The following VPS13B variants were observed in gnomAD, a reference collection of about 807,000 sequenced individuals.
The protein encoded by VPS13B is vacuolar protein sorting 13 homolog B.
Under a neutral mutation model 426.4 loss-of-function variants are expected in VPS13B, and 285 were observed. That is an observed-to-expected ratio of 0.67 (90% CI 0.61 to 0.74). The LOEUF (loss-of-function observed/expected upper bound fraction) is 0.74. VPS13B is among the 30% of genes least tolerant of loss of function. The pLI, the probability that VPS13B is intolerant of heterozygous loss-of-function variation, is 0.00. For missense variants in VPS13B, 4,537 were observed against 4,782.6 expected (o/e 0.95, Z 1.51); for synonymous variants, 1,676 against 1,676.4 (o/e 1.00, Z 0.01).
At chr8:99,645,337 G>A (rs965148230) in intron 34 of VPS13B, among the ~76,000 whole-genome samples, 3 of 152,154 alleles carry the variant, frequency 2.0e-5, no homozygotes, top group African/African-American at 7.2e-5. Flanking sequence ...ACTTAGCATT[G>A]AGCCAGCAGG....
intron 52 of VPS13B, 72 bp from the exon 53 acceptor site, chr8:99,835,125 A>G: frequency 1.3e-6 from 2 of 1,600,004 alleles, no homozygotes; most frequent in Non-Finnish European, 1.7e-6. Flanking sequence ...ATCTAAATAA[A>G]CATGTTCCAG....
chr8:99,402,734 C>T (rs1815106601), intron 21 of VPS13B, among the ~76,000 whole-genome samples: 1 of 152,012 alleles, frequency 6.6e-6, no homozygotes, highest in Non-Finnish European at 1.5e-5. Flanking sequence ...AGTGAATATA[C>T]TAATAGAAGG....
rs193276451 is a variant in VPS13B, at chr8:99,146,459, T to C, written c.1844-1382T>C. 2.0e-5 allele frequency among the ~76,000 whole-genome samples: 3 copies of C among 152,342 alleles called. No homozygotes were observed. The East Asian group carries it at 5.8e-4, about 29-fold the overall frequency. ...TGTAACTCTATGGTAAACCTTTATATTGGAGGGAGAAGTTATTCATTTTGG... is the reference window on the plus strand; with the variant it reads ...TGTAACTCTATGGTAAACCTTTATACTGGAGGGAGAAGTTATTCATTTTGG... On this transcript the variant is annotated intron_variant, in intron 13 of 61. Coordinates refer to ENST00000357162, the MANE Select transcript of VPS13B (RefSeq NM_152564.5).
chr8:99,478,472 TG>T (rs1277360490), intron 24 of VPS13B, among the ~76,000 whole-genome samples: 33 of 145,032 alleles, frequency 2.3e-4, no homozygotes, highest in African/African-American at 6.0e-4. Flanking sequence ...TTTTGTTTTT[TG>T]TTTTTTTTTT....
chr8:99,818,351 A>T (rs1020086607), intron 45 of VPS13B, 100 bp from the exon 46 acceptor site: 2 of 1,244,896 alleles, frequency 1.6e-6, no homozygotes, highest in Non-Finnish European at 2.3e-6. Context: ...CTAAACTTTA[A>T]ACTCTTTTTA....
At chr8:99,335,919 T>G (rs1489941178) in intron 19 of VPS13B, among the ~76,000 whole-genome samples, 7 of 152,122 alleles carry the variant, frequency 4.6e-5, no homozygotes, top group Non-Finnish European at 1.0e-4. Flanking sequence ...GAATCAATAT[T>G]GTGAAAATGG....
intron 19 of VPS13B, among the ~76,000 whole-genome samples, chr8:99,358,438 T>C (rs1041843993): frequency 9.9e-5 from 15 of 152,182 alleles, no homozygotes; most frequent in Non-Finnish European, 1.5e-4. Context: ...AAATTAGTGA[T>C]TTCATCTGAC....
chr8:99,222,098 TG>T (rs1436206321), intron 17 of VPS13B, among the ~76,000 whole-genome samples: 2 of 152,200 alleles, frequency 1.3e-5, no homozygotes, highest in African/African-American at 2.4e-5. Flanking sequence ...TTGGCATCAC[TG>T]GGACAATTAA....
At chr8:99,735,747 A>G (rs1376126611) in intron 39 of VPS13B, among the ~76,000 whole-genome samples, 1 of 152,228 alleles carries the variant, frequency 6.6e-6, no homozygotes, top group African/African-American at 2.4e-5. Context: ...AAGGCCGTGG[A>G]GGCAACAGTG....
intron 19 of VPS13B, among the ~76,000 whole-genome samples, chr8:99,359,421 TAATA>T (rs1325844202): frequency 6.6e-6 from 1 of 152,186 alleles, no homozygotes; most frequent in East Asian, 1.9e-4. Context: ...ATGTAATTTC[TAATA>T]AATATTTCAA....
chr8:99,141,047 G>GATTTTAGAGATAACCA (rs1457465902), intron 12 of VPS13B, among the ~76,000 whole-genome samples: 3 of 152,136 alleles, frequency 2.0e-5, no homozygotes, highest in Non-Finnish European at 4.4e-5. Context: ...ACAACAGGAA[G>GATTTTAGAGATAACCA]ATTTTAGAGA....
At position 99,853,645 on chromosome 8, in the gene VPS13B, G is replaced by C. The variant is rs2130917003; in HGVS notation, c.10256G>C (p.Cys3419Ser). Residue 3419 changes from cysteine to serine, a missense_variant, in exon 56 of 62, where the codon TGT becomes TCT. Physicochemically the swap from Cys to Ser is moderately radical, Grantham distance 112. Coordinates refer to ENST00000357162, the MANE Select transcript of VPS13B (RefSeq NM_152564.5). The stretch of plus-strand genomic sequence containing the variant: ...GTGGCTGCGTTGTTTGAACTTTACT[G>C]TGTGGAGATCTGCTGTGGGGACCTG... The part of the protein sequence containing the change: ...EPVAALFELY[C>S]VEICCGDLQL... 6.2e-7 allele frequency: 1 copy of C among 1,614,188 alleles called. No individual in the cohort carries two copies. The highest frequency in any genetic ancestry group is 1.1e-5 in the South Asian group (1 of 91,086).
At chr8:99,849,000 T>C (rs1816123300) in intron 55 of VPS13B, 106 bp downstream of exon 55, 2 of 1,080,670 alleles carry the variant, frequency 1.9e-6, no homozygotes, top group South Asian at 2.5e-5. Flanking sequence ...TTAAAGCTTT[T>C]GGTTAATTAT....
chr8:99,683,271 T>C (rs1286244368), intron 35 of VPS13B, among the ~76,000 whole-genome samples: 1 of 152,200 alleles, frequency 6.6e-6, no homozygotes, highest in Non-Finnish European at 1.5e-5. Context: ...AGTCTTAAAA[T>C]CAGGTAGTTT....
At chr8:99,055,493 C>A (rs550367532) in intron 3 of VPS13B, among the ~76,000 whole-genome samples, 4 of 152,092 alleles carry the variant, frequency 2.6e-5, no homozygotes, top group African/African-American at 4.8e-5. Context: ...AGCATCTTAA[C>A]GATGTTAAGT....
At position 99,875,451 on chromosome 8, in the gene VPS13B, C is replaced by T. The variant is rs1458157382; in HGVS notation, c.11779C>T (p.Gln3927Ter). The T allele has an allele frequency of 6.2e-7, 1 of 1,614,198 alleles. No homozygotes were observed. Among genetic ancestry groups the T allele is most frequent in the Admixed American group, 1.7e-5 (1 of 60,024 alleles). ...AGTCCGAGAGAGACTGTCAGAGCAACAGTACAACAGACTGGTGGACTACAT... is the reference window on the plus strand; with the variant it reads ...AGTCCGAGAGAGACTGTCAGAGCAATAGTACAACAGACTGGTGGACTACAT... Reference protein sequence around the residue: ...DGVRERLSEQQYNRLVDYITK... With the variant: ...DGVRERLSEQ Residue 3927 changes from glutamine (Q) to a stop codon, truncating the protein, a stop_gained, in exon 62 of 62, where the codon CAG becomes TAG. Transcript: ENST00000357162. LOFTEE classifies it high-confidence loss of function.
intron 33 of VPS13B, among the ~76,000 whole-genome samples, chr8:99,590,911 G>A (rs1214651611): frequency 6.6e-6 from 1 of 152,034 alleles, no homozygotes; most frequent in Non-Finnish European, 1.5e-5. Context: ...CTGTCTCATT[G>A]ATCTCTCTAA....
intron 31 of VPS13B, among the ~76,000 whole-genome samples, chr8:99,570,129 A>C (rs1825400602): frequency 6.6e-6 from 1 of 152,146 alleles, no homozygotes; most frequent in East Asian, 1.9e-4. Flanking sequence ...TCTTTTCATC[A>C]TCATGGGTGA....
chr8:99,633,148 A>G (rs1017531886), intron 33 of VPS13B, among the ~76,000 whole-genome samples: 6 of 152,014 alleles, frequency 3.9e-5, no homozygotes, highest in Non-Finnish European at 7.4e-5. Flanking sequence ...TGAATCCTAC[A>G]TAATTTCTTT....
Sources: allele counts gnomAD v4.1 joint callset (sites outside exome capture counted in the v4.1 genomes callset), GRCh38; gene constraint gnomAD v4.1.1; transcripts MANE v1.5; gene names NCBI Gene and HGNC (gene_info 2026-07-23, HGNC 2026-07-21).